Variants in SNX29 observed in about 807,000 individuals in gnomAD.
SNX29 encodes sorting nexin 29, also known as sorting nexin-29.
Under a neutral mutation model 102.1 loss-of-function variants are expected in SNX29, and 78 were observed. That is an observed-to-expected ratio of 0.76 (90% CI 0.64 to 0.92). SNX29 has a LOEUF of 0.92. SNX29 is among the 40% of genes least tolerant of loss of function. The pLI is 0.00. For synonymous variants in SNX29, 580 were observed against 414.5 expected, an observed-to-expected ratio of 1.40 and a Z score of -4.85; for missense variants, 1,280 against 1,061.7, an observed-to-expected ratio of 1.21 and a Z score of -2.86.
chr16:12,232,116 C>T (rs756050394), intron 14 of SNX29, among the ~76,000 whole-genome samples: 35 of 152,152 alleles, frequency 2.3e-4, no homozygotes, highest in Non-Finnish European at 3.7e-4. Context: ...GATTTAGGCA[C>T]TTGGACAGCC....
chr16:12,320,993 T>G (rs143955638), intron 15 of SNX29, among the ~76,000 whole-genome samples: 3 of 152,334 alleles, frequency 2.0e-5, no homozygotes, highest in East Asian at 1.9e-4. Context: ...AAATCAGGAC[T>G]GAGGCGATAA....
chr16:12,063,210 G>T (rs8048703), intron 9 of SNX29, among the ~76,000 whole-genome samples: 53,961 of 151,770 alleles, frequency 0.36, 9,798 homozygotes, highest in African/African-American at 0.44. Context: ...CAAGGCCCCT[G>T]GTGAGAGCTT....
chr16:12,537,344 C>T (rs549012794), intron 20 of SNX29, among the ~76,000 whole-genome samples: 5 of 152,310 alleles, frequency 3.3e-5, no homozygotes, highest in East Asian at 1.9e-4. Flanking sequence ...TAAATTCCTA[C>T]AGGAGCTCAT....
At chr16:12,476,399 T>A (rs11863135) in intron 18 of SNX29, among the ~76,000 whole-genome samples, 2 of 16,306 alleles carry the variant, frequency 1.2e-4, no homozygotes, top group African/African-American at 7.6e-4. Flanking sequence ...TATATATATA[T>A]ATATATATAT....
chr16:12,198,142 G>C (rs1293568141), intron 13 of SNX29, among the ~76,000 whole-genome samples: 1 of 152,090 alleles, frequency 6.6e-6, no homozygotes, highest in African/African-American at 2.4e-5. Flanking sequence ...GAGTGTTTTG[G>C]GTTGGTAGTG....
chr16:12,433,648 A>G (rs1236338882), intron 18 of SNX29, among the ~76,000 whole-genome samples: 1 of 48,232 alleles, frequency 2.1e-5, no homozygotes, highest in Non-Finnish European at 5.1e-5. Context: ...AAAAAAAAAA[A>G]AAGGAAACTT....
At chr16:12,208,664 G>A (rs1044230129) in intron 14 of SNX29, among the ~76,000 whole-genome samples, 1 of 151,920 alleles carries the variant, frequency 6.6e-6, no homozygotes, top group African/African-American at 2.4e-5. Flanking sequence ...GGAGCAAGAG[G>A]TCGTCTCTGC....
At chr16:12,331,860 G>GTT (rs2081300628) in intron 15 of SNX29, among the ~76,000 whole-genome samples, 1 of 152,030 alleles carries the variant, frequency 6.6e-6, no homozygotes, top group South Asian at 2.1e-4. Context: ...CCAGAATATT[G>GTT]TTTTAAGAAT....
chr16:12,441,278 C>T (rs1289547459), intron 18 of SNX29, among the ~76,000 whole-genome samples: 5 of 151,738 alleles, frequency 3.3e-5, no homozygotes, highest in Non-Finnish European at 4.4e-5. Context: ...TTGGTAGAGA[C>T]GGGGTTTCAC....
chr16:12,425,158 G>T (rs1476024070), intron 18 of SNX29, among the ~76,000 whole-genome samples: 1 of 152,236 alleles, frequency 6.6e-6, no homozygotes, highest in Admixed American at 6.5e-5. Context: ...TGTGCTCTTG[G>T]AGGTTGTCCT....
chr16:12,197,368 A>G (rs1292474407), intron 13 of SNX29, among the ~76,000 whole-genome samples: 1 of 151,960 alleles, frequency 6.6e-6, no homozygotes, highest in East Asian at 1.9e-4. Context: ...TCAGGAGTTC[A>G]AGACCAGCCT....
At chr16:12,548,930 C>T (rs539787547) in intron 20 of SNX29, among the ~76,000 whole-genome samples, 5 of 152,334 alleles carry the variant, frequency 3.3e-5, no homozygotes, top group African/African-American at 9.6e-5. Flanking sequence ...TCAGTACCTG[C>T]TATGGCCTGG....
At chr16:12,545,714 G>C (rs1204296530) in intron 20 of SNX29, 1 of 152,332 alleles carries the variant, frequency 6.6e-6, no homozygotes, top group Non-Finnish European at 1.5e-5. Flanking sequence ...TGGGTGGCCA[G>C]AGACGAGGTC....
intron 18 of SNX29, among the ~76,000 whole-genome samples, chr16:12,419,067 G>A (rs971793517): frequency 6.6e-6 from 1 of 152,136 alleles, no homozygotes; most frequent in Non-Finnish European, 1.5e-5. Flanking sequence ...CCACAACAGA[G>A]AATATCCTAT....
intron 14 of SNX29, among the ~76,000 whole-genome samples, chr16:12,234,516 C>G (rs1318269737): frequency 6.6e-6 from 1 of 151,760 alleles, no homozygotes; most frequent in Non-Finnish European, 1.5e-5. Context: ...CTGCAAGTTT[C>G]TTTTCATTTT....
At chr16:12,182,517 G>C (rs1472640771) in intron 13 of SNX29, among the ~76,000 whole-genome samples, 1 of 152,182 alleles carries the variant, frequency 6.6e-6, no homozygotes, top group Non-Finnish European at 1.5e-5. Flanking sequence ...TGGTTCTTGG[G>C]AGGGCTGAGA....
At chr16:12,324,082 C>G (rs548894234) in intron 15 of SNX29, among the ~76,000 whole-genome samples, 34 of 152,126 alleles carry the variant, frequency 2.2e-4, no homozygotes, top group African/African-American at 7.5e-4. Context: ...TGGACCATCG[C>G]AGTGTGCTGG....
At position 12,142,899 on chromosome 16, in the gene SNX29, C is replaced by G. The variant is rs571211631; in HGVS notation, c.1595+13141C>G. On this transcript the variant is annotated intron_variant, in intron 13 of 20. Coordinates refer to ENST00000566228, the MANE Select transcript of SNX29 (RefSeq NM_032167.5). ...TGTTGATTCACTCTTCAAACATTTACTGTTCCGTGTGAAGCTTAGTCAATC... is the reference window on the plus strand; with the variant it reads ...TGTTGATTCACTCTTCAAACATTTAGTGTTCCGTGTGAAGCTTAGTCAATC... Among the ~76,000 whole-genome samples the G allele has an allele frequency of 2.6e-5, 4 of 152,102 alleles. No homozygotes were observed. The South Asian group carries it at 8.3e-4, about 32-fold the overall frequency.
intron 20 of SNX29, among the ~76,000 whole-genome samples, chr16:12,550,880 C>A (rs373160369): frequency 1.3e-5 from 2 of 152,158 alleles, no homozygotes; most frequent in South Asian, 2.1e-4. Context: ...GGGAGGAAAC[C>A]TGTGACGGGA....
Sources: gnomAD v4.1 joint callset for allele counts (sites outside exome capture counted in the v4.1 genomes callset) on GRCh38, gnomAD v4.1.1 for gene constraint, MANE v1.5 for transcripts, NCBI Gene and HGNC (gene_info 2026-07-23, HGNC 2026-07-21) for gene names.